The following LINGO2 variants were observed in gnomAD, a reference collection of about 807,000 sequenced individuals.
LINGO2 encodes the protein leucine-rich repeat and immunoglobulin-like domain-containing nogo receptor-interacting protein 2.
Under a neutral mutation model 30.6 loss-of-function variants are expected in LINGO2, and 14 were observed. The observed-to-expected ratio is 0.46, with a 90% CI of 0.30 to 0.72. The LOEUF is 0.72. LINGO2 is among the 30% of genes least tolerant of loss of function. The pLI is 0.07. For missense variants in LINGO2, 729 were observed against 751.7 expected, an observed-to-expected ratio of 0.97 and a Z score of 0.35; for synonymous variants, 317 against 288.5, an observed-to-expected ratio of 1.10 and a Z score of -1.00.
chr9:29,192,988 A>G, the LINGO2 span, among the ~76,000 whole-genome samples: 3 of 152,230 alleles, frequency 2.0e-5, no homozygotes, highest in Non-Finnish European at 4.4e-5. Flanking sequence ...GTGCCCAGGG[A>G]TGCTCACTTT....
chr9:28,111,063 A>G (rs547045151), intron 4 of LINGO2, among the ~76,000 whole-genome samples: 2 of 152,210 alleles, frequency 1.3e-5, no homozygotes, highest in Non-Finnish European at 2.9e-5. Context: ...GCCATAAAAA[A>G]TAATGAGTTC....
rs139374319 is a variant in LINGO2 at position 28,118,090 on chromosome 9, G to A, written c.-86-105685C>T. Among the ~76,000 whole-genome samples the A allele has an allele frequency of 4.0e-3, 603 of 152,034 alleles. 3 individuals are homozygous for A. Among genetic ancestry groups the A allele is most frequent in the Non-Finnish European group, 7.4e-3 (501 of 67,990 alleles). ...ACAGTGGGGCCTGTTGGGGGGTGGA[G>A]TAGGGGAGGGAGAGTATTAGAAAGA... On this transcript the variant is annotated intron_variant, in intron 4 of 5. Coordinates refer to ENST00000379992, the Ensembl canonical transcript of LINGO2.
At chr9:28,335,383 C>T (rs1406486435) in intron 3 of LINGO2, among the ~76,000 whole-genome samples, 1 of 152,156 alleles carries the variant, frequency 6.6e-6, no homozygotes, top group Non-Finnish European at 1.5e-5. Flanking sequence ...GCAGTCACTT[C>T]AGGCAAGACA....
At chr9:28,918,895 T>C in the LINGO2 span, among the ~76,000 whole-genome samples, 1 of 152,190 alleles carries the variant, frequency 6.6e-6, no homozygotes, top group Non-Finnish European at 1.5e-5. Flanking sequence ...TATTAGCTCA[T>C]TGTATGGATT....
In LINGO2 at chr9:28,609,156, GT is replaced by G. The variant is rs397942277; in HGVS notation, c.-365+61043del. Among the ~76,000 whole-genome samples, 238 of 140,986 alleles carry G rather than the reference GT, an allele frequency of 1.7e-3. 1 individual carries two copies. Among genetic ancestry groups the G allele is most frequent in the Middle Eastern group, 3.8e-3 (1 of 264 alleles). The allele number at this position is 140,986 out of a possible 152,430, so 92.5% of individuals were successfully genotyped here. ...CCAGTATGGATTAATGAGCTAAAGA[GT>G]TTTTTTTTTTTTTTTACAAAACTAT... is the stretch of plus-strand genomic sequence containing the variant. On this transcript the variant is annotated intron_variant, in intron 1 of 5. Coordinates refer to ENST00000379992, the Ensembl canonical transcript of LINGO2.
intron 4 of LINGO2, among the ~76,000 whole-genome samples, chr9:28,061,098 T>G (rs183147897): frequency 6.6e-6 from 1 of 151,750 alleles, no homozygotes; most frequent in Non-Finnish European, 1.5e-5. Context: ...TTGTTATGGT[T>G]ATTTTTCAAT....
chr9:28,654,252 TG>T (rs776269982), intron 1 of LINGO2, among the ~76,000 whole-genome samples: 116 of 152,266 alleles, frequency 7.6e-4, no homozygotes, highest in Middle Eastern at 6.8e-3. Context: ...CAAAAATGCA[TG>T]GGTCATCCAA....
chr9:28,103,576 G>C (rs1826479531), intron 4 of LINGO2, among the ~76,000 whole-genome samples: 1 of 152,140 alleles, frequency 6.6e-6, no homozygotes, highest in Non-Finnish European at 1.5e-5. Flanking sequence ...CCAAGAAGCA[G>C]AACTGCCACA....
chr9:28,397,179 T>G (rs1320254167), intron 2 of LINGO2, among the ~76,000 whole-genome samples: 1 of 152,050 alleles, frequency 6.6e-6, no homozygotes, highest in Non-Finnish European at 1.5e-5. Flanking sequence ...GTCTTGATAA[T>G]ATGTATAACT....
At chr9:28,054,648 T>C (rs1374963221) in intron 4 of LINGO2, among the ~76,000 whole-genome samples, 1 of 152,168 alleles carries the variant, frequency 6.6e-6, no homozygotes, top group Non-Finnish European at 1.5e-5. Flanking sequence ...CAGGCATTAA[T>C]TTGACTTTGT....
At position 28,361,430 on chromosome 9, in the gene LINGO2, G is replaced by A. The variant is rs568798761; in HGVS notation, c.-246+11406C>T. On this transcript the variant is annotated intron_variant, in intron 3 of 5. Transcript: ENST00000379992. ...CTCTTGCAGACAACGGGAGACTACT[G>A]TATTAGACATCTGATTTTAAACTTC... Among the ~76,000 whole-genome samples the A allele has an allele frequency of 7.2e-4, 110 of 152,260 alleles. 1 individual carries two copies. Among genetic ancestry groups the A allele is most frequent in the African/African-American group, 2.3e-3 (96 of 41,546 alleles).
chr9:28,959,612 T>TCTCTCTCTCACACACA, the LINGO2 span, among the ~76,000 whole-genome samples: 1 of 132,162 alleles, frequency 7.6e-6, no homozygotes, highest in East Asian at 2.2e-4. Flanking sequence ...TCTCTCTCCC[T>TCTCTCTCTCACACACA]CACACACACA....
chr9:28,198,077 T>G (rs112269397), intron 4 of LINGO2, among the ~76,000 whole-genome samples: 12,546 of 151,730 alleles, frequency 0.083, 686 homozygotes, highest in East Asian at 0.2. Flanking sequence ...AAAATTACAT[T>G]CACTTTTTTT....
At chr9:28,963,705 C>T in the LINGO2 span, among the ~76,000 whole-genome samples, 3 of 151,812 alleles carry the variant, frequency 2.0e-5, no homozygotes, top group Non-Finnish European at 4.4e-5. Flanking sequence ...TATATTCTTA[C>T]TCACATATGT....
chr9:29,126,804 G>T, the LINGO2 span, among the ~76,000 whole-genome samples: 1 of 152,080 alleles, frequency 6.6e-6, no homozygotes, highest in Non-Finnish European at 1.5e-5. Context: ...TGGAGGCAAA[G>T]AACTTAAGGC....
rs932273984 is a variant in LINGO2, at chr9:28,537,199, C to G, written c.-364-61174G>C. Reference sequence around the variant, plus strand: ...AGACCTCAACATCAGAAGGAACCAACTTGACCAACAATGTGATCTCAGACA... The same window carrying G: ...AGACCTCAACATCAGAAGGAACCAAGTTGACCAACAATGTGATCTCAGACA... On this transcript the variant is annotated intron_variant, in intron 1 of 5. Coordinates refer to ENST00000379992, the Ensembl canonical transcript of LINGO2. Among the ~76,000 whole-genome samples the G allele has an allele frequency of 2.6e-5, 4 of 152,228 alleles. 1 individual carries two copies. Among genetic ancestry groups the G allele is most frequent in the Admixed American group, 2.6e-4 (4 of 15,274 alleles).
chr9:29,159,013 T>C, the LINGO2 span, among the ~76,000 whole-genome samples: 1 of 152,172 alleles, frequency 6.6e-6, no homozygotes, highest in South Asian at 2.1e-4. Flanking sequence ...CTAGCAGCTC[T>C]CTCAGAGCTC....
chr9:28,845,750 T>A, the LINGO2 span, among the ~76,000 whole-genome samples: 1 of 151,558 alleles, frequency 6.6e-6, no homozygotes, highest in African/African-American at 2.4e-5. Context: ...AATAGATAAT[T>A]TCTCTTAATT....
At chr9:28,009,782 G>T (rs182840450) in intron 5 of LINGO2, among the ~76,000 whole-genome samples, 2 of 152,308 alleles carry the variant, frequency 1.3e-5, no homozygotes, top group East Asian at 3.9e-4. Flanking sequence ...AAATGGTGCA[G>T]CCTGTTTGAA....
Sources: allele counts gnomAD v4.1 joint callset (sites outside exome capture counted in the v4.1 genomes callset), GRCh38; gene constraint gnomAD v4.1.1; transcripts MANE v1.5; gene names NCBI Gene and HGNC (gene_info 2026-07-23, HGNC 2026-07-21).